The following SEC61A2 variants were observed in gnomAD, a reference collection of about 807,000 sequenced individuals.
SEC61A2 encodes the protein SEC61 translocon subunit alpha 2.
SEC61A2 carries 28 observed loss-of-function variants against 59.9 expected under a neutral mutation model. The ratio of observed to expected loss-of-function variants is 0.47; its 90% CI spans 0.35 to 0.64. SEC61A2 has a LOEUF of 0.64. SEC61A2 is among the 30% of genes least tolerant of loss of function. SEC61A2 has a pLI of 0.01. For synonymous variants in SEC61A2, 202 were observed against 214.4 expected (o/e 0.94, Z 0.50); for missense variants, 340 against 585.9 (o/e 0.58, Z 4.33).
chr10:12,149,722 G>A lies in SEC61A2; in HGVS notation c.348G>A (p.Gln116=), dbSNP rs1834231811. Residue 116 remains glutamine, a synonymous_variant, in exon 5 of 12, where the codon CAG becomes CAA. Transcript: ENST00000298428. The surrounding 1 kb of genome is among the most constrained non-coding windows in gnomAD (Gnocchi z 5.2). ...PKDRALFNGA[Q]KLFGMIITIG... is the part of the protein sequence containing the mutation. ...ATAGAGCTTTATTCAATGGAGCCCA[G>A]AAACGTGAGCATTAATGCAATTAAA... The A allele has an allele frequency of 6.2e-7, 1 of 1,610,546 alleles. No homozygotes were observed. Among genetic ancestry groups the A allele is most frequent in the Admixed American group, 1.7e-5 (1 of 58,786 alleles).
Position 12,142,527 on chromosome 10 carries a change from G to C in SEC61A2, c.142-590G>C, listed in dbSNP as rs767281708. 1.4e-5 allele frequency: 14 copies of C among 983,226 alleles called. No homozygotes were observed. The highest frequency in any genetic ancestry group is 1.7e-5 in the Non-Finnish European group (14 of 828,088). The allele number at this position is 983,226 out of a possible 1,614,324, so 60.9% of individuals were successfully genotyped here. ...AGAAGAGTGACCTTGGCTGTCTTTAGTATATAGAGCTTTGCAAAATCATTC... is the reference window on the plus strand; with the variant it reads ...AGAAGAGTGACCTTGGCTGTCTTTACTATATAGAGCTTTGCAAAATCATTC... On this transcript the variant is annotated intron_variant, in intron 3 of 11. Transcript: ENST00000298428. This position sits in a 1 kb window ranked among gnomAD's most constrained non-coding sequence, Gnocchi z 5.4.
rs774727309 is a variant in SEC61A2, at chr10:12,161,038, G to A, written c.1084G>A (p.Val362Ile). The change falls in exon 10 of 12, where the codon GTT (valine) becomes ATT (isoleucine). Residue 362 changes from valine to isoleucine, a missense_variant. This residue lies in a region of SEC61A2 where 283 missense variants were observed against 483.2 expected (regional missense o/e 0.59). Transcript: ENST00000298428. The surrounding 1 kb of genome is among the most constrained non-coding windows in gnomAD (Gnocchi z 5.4). ...GAIFEDPVHV[V>I]VYIIFMLGSC... ...CATCTTTGAGGATCCTGTCCATGTC[G>A]TTGTTTATATCATCTTCATGTTGGG... The A allele has an allele frequency of 1.6e-5, 26 of 1,613,820 alleles. No homozygotes were observed. The highest frequency in any genetic ancestry group is 6.7e-5 in the Admixed American group (4 of 59,996).
At position 12,153,593 on chromosome 10, in the gene SEC61A2, A is replaced by G; in HGVS notation, c.463-2185A>G. ...ATACTTACAGTCCAAGAATGAAACA[A>G]GTGAAGTGGATGTACACTGATTCAT... On this transcript the variant is annotated intron_variant, in intron 6 of 11. Coordinates refer to ENST00000298428, the MANE Select transcript of SEC61A2 (RefSeq NM_018144.4). This position sits in a 1 kb window ranked among gnomAD's most constrained non-coding sequence, Gnocchi z 5.2. 1 of 781,202 alleles carries G rather than the reference A, an allele frequency of 1.3e-6. No homozygotes were observed. The highest frequency in any genetic ancestry group is 1.9e-6 in the Non-Finnish European group (1 of 531,554). The allele number at this position is 781,202 out of a possible 1,614,324, so 48.4% of individuals were successfully genotyped here. A position where few individuals can be genotyped will look rare whatever the true frequency, so the allele number is the denominator to read the frequency against.
chr10:12,165,459 C>A, downstream of SEC61A2: 1 of 658,448 alleles, frequency 1.5e-6, no homozygotes, highest in Non-Finnish European at 1.9e-6. Flanking sequence ...GAAGTCCACC[C>A]TGAGATGCCT....
At position 12,165,338 on chromosome 10, in the gene SEC61A2, A is replaced by G. The variant is rs1438144567; in HGVS notation, c.*884A>G. ...CAGCAGCAACATGAGTGTAAACAGT[A>G]GACAATAAACTTTTATTTAAGAAAA... On this transcript the variant is annotated 3_prime_UTR_variant, in exon 12 of 12. Transcript: ENST00000298428. The G allele has an allele frequency of 4.1e-6, 4 of 982,682 alleles. No homozygotes were observed. The Admixed American group carries it at 2.5e-4, about 60-fold the overall frequency. 60.9% of individuals were successfully genotyped at this position (982,682 alleles called of 1,614,324 possible). A position where few individuals can be genotyped will look rare whatever the true frequency, so the allele number is the denominator to read the frequency against.
rs1834610474 is a variant in SEC61A2 at position 12,164,306 on chromosome 10, T to C, written c.1283T>C (p.Ile428Thr). 2.5e-6 allele frequency: 4 copies of C among 1,613,764 alleles called. No homozygotes were observed. The highest frequency in any genetic ancestry group is 2.2e-5 in the East Asian group (1 of 44,884). Residue 428 changes from isoleucine (I) to threonine (T), a missense_variant, in exon 12 of 12, where the codon ATT (isoleucine) becomes ACT (threonine). By Grantham distance (89) the Ile-to-Thr change is moderately conservative. Around this residue, in one of 3 missense-constraint regions of SEC61A2, gnomAD observed 283 missense variants for 483.2 expected, o/e 0.59. Transcript: ENST00000298428. This position sits in a 1 kb window ranked among gnomAD's most constrained non-coding sequence, Gnocchi z 7.3. ...GCAGCTGCGTTTGGCGGTTTGTGCA[T>C]TGGCGCCCTGTCAGTGCTGGCTGAC... ...PTAAAFGGLC[I>T]GALSVLADFL...
intron 3 of SEC61A2, among the ~76,000 whole-genome samples, chr10:12,140,721 G>A (rs1375601925): frequency 6.6e-6 from 1 of 152,040 alleles, no homozygotes; most frequent in Non-Finnish European, 1.5e-5. Context: ...TCAGCCCCCG[G>A]AGTAGCTGGG....
chr10:12,132,457 T>C (rs1332989678), intron 1 of SEC61A2, among the ~76,000 whole-genome samples: 1 of 150,896 alleles, frequency 6.6e-6, no homozygotes, highest in Non-Finnish European at 1.5e-5. Context: ...CTAGTAAAAA[T>C]AAAAAAATTA....
At chr10:12,137,590 C>T (rs1007821729) in intron 3 of SEC61A2, among the ~76,000 whole-genome samples, 11 of 152,170 alleles carry the variant, frequency 7.2e-5, no homozygotes, top group Non-Finnish European at 1.6e-4. Context: ...CATGCCTGAG[C>T]CACCACACCC....
Position 12,149,821 on chromosome 10 carries a change from C to T in SEC61A2, c.353-31C>T, listed in dbSNP as rs368229581. ...GTCTTTTCTTGTCTTTGGTGGTAAG[C>T]GTGCTCTCCTTTCCCCCCAACTTTC... On this transcript the variant is annotated intron_variant, in intron 5 of 11. Coordinates refer to ENST00000298428, the MANE Select transcript of SEC61A2 (RefSeq NM_018144.4). This position sits in a 1 kb window ranked among gnomAD's most constrained non-coding sequence, Gnocchi z 5.2. 3.1e-6 allele frequency: 5 copies of T among 1,607,850 alleles called. No homozygotes were observed. Among genetic ancestry groups the T allele is most frequent in the East Asian group, 2.2e-5 (1 of 44,832 alleles).
At position 12,149,474 on chromosome 10, in the gene SEC61A2, A is replaced by C; in HGVS notation, c.221-121A>C. ...TAGCAAGTAGTGTTTAAGAAATGAAAATTTGCTTGTTAAAATTTTCACGTG... is the reference window on the plus strand; with the variant it reads ...TAGCAAGTAGTGTTTAAGAAATGAACATTTGCTTGTTAAAATTTTCACGTG... On this transcript the variant is annotated intron_variant, in intron 4 of 11. Transcript: ENST00000298428. This position sits in a 1 kb window ranked among gnomAD's most constrained non-coding sequence, Gnocchi z 5.2. 1 of 936,400 alleles carries C rather than the reference A, an allele frequency of 1.1e-6. No homozygotes were observed. The highest frequency in any genetic ancestry group is 1.6e-6 in the Non-Finnish European group (1 of 617,786). 58.0% of individuals were successfully genotyped at this position (936,400 alleles called of 1,614,324 possible). A position where few individuals can be genotyped will look rare whatever the true frequency, so the allele number is the denominator to read the frequency against.
chr10:12,143,579 A>G lies in SEC61A2; in HGVS notation c.220+384A>G, dbSNP rs1056172495. 6.6e-6 allele frequency among the ~76,000 whole-genome samples: 1 copy of G among 152,174 alleles called. No homozygotes were observed. The highest frequency in any genetic ancestry group is 1.5e-5 in the Non-Finnish European group (1 of 68,028). On this transcript the variant is annotated intron_variant, in intron 4 of 11. Transcript: ENST00000298428. This position sits in a 1 kb window ranked among gnomAD's most constrained non-coding sequence, Gnocchi z 4.8. ...GTGAAACCCCGTCTCTACTAAAAAT[A>G]GAAAAATTAGCCAGGTGTGGGTATG...
At position 12,145,234 on chromosome 10, in the gene SEC61A2, A is replaced by G. The variant is rs1188926751; in HGVS notation, c.220+2039A>G. Among the ~76,000 whole-genome samples the G allele has an allele frequency of 6.6e-6, 1 of 151,988 alleles. No homozygotes were observed. Among genetic ancestry groups the G allele is most frequent in the African/African-American group, 2.4e-5 (1 of 41,442 alleles). ...CAGGCCACTAGGTTCCTTTCTTGTC[A>G]TATATTACGTTTTTTTCCCCCCGAT... On this transcript the variant is annotated intron_variant, in intron 4 of 11. Coordinates refer to ENST00000298428, the MANE Select transcript of SEC61A2 (RefSeq NM_018144.4). This position sits in a 1 kb window ranked among gnomAD's most constrained non-coding sequence, Gnocchi z 4.4.
rs774616549 is a variant in SEC61A2, at chr10:12,149,071, T to C, written c.221-524T>C. On this transcript the variant is annotated intron_variant, in intron 4 of 11. Transcript: ENST00000298428. The surrounding 1 kb of genome is among the most constrained non-coding windows in gnomAD (Gnocchi z 5.2). ...ACAGTTGGCATATTTGATTTTCTTA[T>C]TTCTCCCTATAAATTCTTTTTTTTT... Among the ~76,000 whole-genome samples the C allele has an allele frequency of 6.6e-6, 1 of 152,120 alleles. No homozygotes were observed. The highest frequency in any genetic ancestry group is 1.5e-5 in the Non-Finnish European group (1 of 68,032).
At position 12,153,667 on chromosome 10, in the gene SEC61A2, A is replaced by G; in HGVS notation, c.463-2111A>G. ...TATGCGTGTTATGGCTAATTCTTCT[A>G]ATGTTAATATATAAAGAGGGGTGTC... is the stretch of plus-strand genomic sequence containing the variant. On this transcript the variant is annotated intron_variant, in intron 6 of 11. Coordinates refer to ENST00000298428, the MANE Select transcript of SEC61A2 (RefSeq NM_018144.4). This position sits in a 1 kb window ranked among gnomAD's most constrained non-coding sequence, Gnocchi z 5.2. The G allele has an allele frequency of 6.5e-7, 1 of 1,539,680 alleles. No homozygotes were observed. The highest frequency in any genetic ancestry group is 8.8e-7 in the Non-Finnish European group (1 of 1,133,362).
chr10:12,138,238 A>G (rs537742306), intron 3 of SEC61A2, among the ~76,000 whole-genome samples: 1 of 152,168 alleles, frequency 6.6e-6, no homozygotes, highest in Non-Finnish European at 1.5e-5. Flanking sequence ...ACTTGTTTTA[A>G]ATTTGTTTTA....
rs767855433 is a variant in SEC61A2, at chr10:12,154,789, C to G, written c.463-989C>G. 6.6e-6 allele frequency among the ~76,000 whole-genome samples: 1 copy of G among 152,072 alleles called. No individual in the cohort carries two copies. The highest frequency in any genetic ancestry group is 6.6e-5 in the Admixed American group (1 of 15,256). ...AATGGTCTCATGTGGTTACTTTGGT[C>G]GCTCTTCCAGCAGGTGATATTGGAT... is the stretch of plus-strand genomic sequence containing the variant. On this transcript the variant is annotated intron_variant, in intron 6 of 11. Transcript: ENST00000298428. The surrounding 1 kb of genome is among the most constrained non-coding windows in gnomAD (Gnocchi z 5.2).
In SEC61A2 at chr10:12,164,479, G is replaced by C; in HGVS notation, c.*25G>C. The C allele has an allele frequency of 6.2e-7, 1 of 1,603,694 alleles. No individual in the cohort carries two copies. On this transcript the variant is annotated 3_prime_UTR_variant, in exon 12 of 12. Transcript: ENST00000298428. The surrounding 1 kb of genome is among the most constrained non-coding windows in gnomAD (Gnocchi z 7.3). ...AATGTTCAAATATTTCATTTTGTGC[G>C]TGTGAAAGGGAAAACACTTTGACGG...
At position 12,158,384 on chromosome 10, in the gene SEC61A2, T is replaced by C. The variant is rs926514943; in HGVS notation, c.975+279T>C. ...TTGTGGTTGATTTCATAAAAGTAATTTCCTATTTTGTCATCTTATTCCAGT... is the reference window on the plus strand; with the variant it reads ...TTGTGGTTGATTTCATAAAAGTAATCTCCTATTTTGTCATCTTATTCCAGT... On this transcript the variant is annotated intron_variant, in intron 9 of 11. Coordinates refer to ENST00000298428, the MANE Select transcript of SEC61A2 (RefSeq NM_018144.4). This position sits in a 1 kb window ranked among gnomAD's most constrained non-coding sequence, Gnocchi z 5.7. 1 of 377,878 alleles carries C rather than the reference T, an allele frequency of 2.6e-6. No homozygotes were observed. The highest frequency in any genetic ancestry group is 4.8e-6 in the Non-Finnish European group (1 of 206,758). The allele number at this position is 377,878 out of a possible 1,614,324, so 23.4% of individuals were successfully genotyped here. A position where few individuals can be genotyped will look rare whatever the true frequency, so the allele number is the denominator to read the frequency against.
Sources: gnomAD v4.1 joint callset for allele counts (sites outside exome capture counted in the v4.1 genomes callset) on GRCh38, gnomAD v4.1.1 for gene constraint, gnomAD v4.1.1 regional missense constraint, Gnocchi (gnomAD v3.1) non-coding constraint, MANE v1.5 for transcripts, NCBI Gene and HGNC (gene_info 2026-07-23, HGNC 2026-07-21) for gene names.